Variants in PEPD observed in about 807,000 individuals in gnomAD.
PEPD encodes xaa-Pro dipeptidase.
In PEPD, 53 loss-of-function variants were observed where a neutral mutation model predicts 60.7. The observed-to-expected ratio is 0.87, with a 90% CI of 0.70 to 1.10. The LOEUF is 1.10. Ranked by LOEUF, PEPD falls within the 50% of genes least tolerant of loss-of-function variation. PEPD has a pLI of 0.00. For synonymous variants in PEPD, 267 were observed against 284.1 expected (o/e 0.94, Z 0.60); for missense variants, 711 against 711.9 (o/e 1.00, Z 0.01).
intron 3 of PEPD, among the ~76,000 whole-genome samples, chr19:33,502,022 T>G (rs772067816): frequency 6.6e-6 from 1 of 152,148 alleles, no homozygotes; most frequent in Non-Finnish European, 1.5e-5. Flanking sequence ...GGCCCTTTGG[T>G]CACAGCTGTG....
At chr19:33,412,867 G>A (rs1188799605) in intron 10 of PEPD, among the ~76,000 whole-genome samples, 1 of 152,162 alleles carries the variant, frequency 6.6e-6, no homozygotes, top group Admixed American at 6.5e-5. Flanking sequence ...AGGGGGCCAC[G>A]CCCACAGCCA....
chr19:33,463,915 A>T (rs1969973750), intron 8 of PEPD, 72 bp downstream of exon 8: 8 of 1,001,570 alleles, frequency 8.0e-6, no homozygotes, highest in Non-Finnish European at 1.3e-5. Context: ...GAAACCCTTC[A>T]TCCTCACGCA....
At chr19:33,484,933 A>T (rs1030223034) in intron 6 of PEPD, among the ~76,000 whole-genome samples, 1 of 152,170 alleles carries the variant, frequency 6.6e-6, no homozygotes, top group Non-Finnish European at 1.5e-5. Flanking sequence ...GCATGTATTA[A>T]TCGTGTAAAA....
intron 6 of PEPD, among the ~76,000 whole-genome samples, chr19:33,485,491 T>TAA (rs908651690): frequency 9.9e-5 from 11 of 110,960 alleles, no homozygotes; most frequent in African/African-American, 2.5e-4. Context: ...AGACTCTGTC[T>TAA]AAAAAAAAAA....
At chr19:33,451,553 A>C (rs1969700923) in intron 9 of PEPD, among the ~76,000 whole-genome samples, 1 of 152,248 alleles carries the variant, frequency 6.6e-6, no homozygotes, top group South Asian at 2.1e-4. Context: ...ACCAGAAAAC[A>C]CAAAATAAGG....
At chr19:33,430,641 T>C (rs1032223642) in intron 9 of PEPD, among the ~76,000 whole-genome samples, 1 of 152,216 alleles carries the variant, frequency 6.6e-6, no homozygotes, top group Non-Finnish European at 1.5e-5. Flanking sequence ...CTGGCATATG[T>C]ATCTTTTTAT....
intron 11 of PEPD, among the ~76,000 whole-genome samples, chr19:33,410,231 T>C (rs976742901): frequency 6.6e-6 from 1 of 152,220 alleles, no homozygotes; most frequent in African/African-American, 2.4e-5. Context: ...CGGCATATGC[T>C]GGCCCCACCC....
intron 7 of PEPD, among the ~76,000 whole-genome samples, chr19:33,472,606 C>T (rs1031472400): frequency 6.6e-6 from 1 of 152,196 alleles, no homozygotes; most frequent in African/African-American, 2.4e-5. Context: ...TAAACATTCA[C>T]AAGTCACAGC....
At chr19:33,424,092 G>C (rs1378831653) in intron 9 of PEPD, among the ~76,000 whole-genome samples, 2 of 152,232 alleles carry the variant, frequency 1.3e-5, no homozygotes, top group Non-Finnish European at 2.9e-5. Context: ...GGCTGCGCCT[G>C]TCACCTGCTC....
chr19:33,503,859 G>A (rs1970754361), intron 3 of PEPD, among the ~76,000 whole-genome samples: 3 of 152,160 alleles, frequency 2.0e-5, no homozygotes, highest in African/African-American at 7.2e-5. Context: ...GCGCCCTACA[G>A]AGGGGCATCT....
rs1600070329 is a variant in PEPD, at chr19:33,387,938, G to C, written c.1296C>G (p.Ala432=). ...GCAGGACCTCGCGGTTAAGGAAGGA[G>C]GCGCGGGCCGGGTCCGCCAGGGCCT... ...LDEALADPAR[A]SFLNREVLQR... is the part of the protein sequence containing the mutation. Residue 432 remains alanine (A), a synonymous_variant, in exon 14 of 15, where the codon GCC becomes GCG. Coordinates refer to ENST00000244137, the MANE Select transcript of PEPD (RefSeq NM_000285.4). The C allele has an allele frequency of 6.3e-7, 1 of 1,597,132 alleles. No individual in the cohort carries two copies. Among genetic ancestry groups the C allele is most frequent in the Non-Finnish European group, 8.5e-7 (1 of 1,172,618 alleles).
At chr19:33,515,853 C>T (rs1045167457) in intron 1 of PEPD, among the ~76,000 whole-genome samples, 2 of 152,122 alleles carry the variant, frequency 1.3e-5, no homozygotes, top group African/African-American at 2.4e-5. Flanking sequence ...CATGCCCCCA[C>T]CTGTAATGCT....
At chr19:33,422,864 ATATC>A (rs1969058104) in intron 9 of PEPD, among the ~76,000 whole-genome samples, 1 of 146,450 alleles carries the variant, frequency 6.8e-6, no homozygotes, top group Non-Finnish European at 1.5e-5. Context: ...CCATCTCTCT[ATATC>A]TATCCACCCA....
intron 9 of PEPD, among the ~76,000 whole-genome samples, chr19:33,444,239 A>AAGGCTGGGACATGGAACCCAGCC (rs144792611): frequency 6.6e-6 from 1 of 152,188 alleles, no homozygotes; most frequent in East Asian, 1.9e-4. Context: ...GCATGCTCTC[A>AAGGCTGGGACATGGAACCCAGCC]AGGCTGGGAC....
chr19:33,462,689 T>G (rs78703636), intron 9 of PEPD, among the ~76,000 whole-genome samples: 3 of 152,008 alleles, frequency 2.0e-5, no homozygotes, highest in Non-Finnish European at 4.4e-5. Context: ...GCTTTCAGAG[T>G]CATAAGAGCA....
intron 8 of PEPD, among the ~76,000 whole-genome samples, chr19:33,463,389 G>A (rs1428653011): frequency 6.6e-6 from 1 of 152,170 alleles, no homozygotes. Flanking sequence ...TCACTAAAAG[G>A]CCTCCTTTGT....
chr19:33,419,897 G>T (rs1040794327), intron 9 of PEPD, among the ~76,000 whole-genome samples: 1 of 152,262 alleles, frequency 6.6e-6, no homozygotes, highest in East Asian at 1.9e-4. Context: ...CCCAGAAGGG[G>T]GGATCCGCCA....
chr19:33,402,378 G>A lies in PEPD; in HGVS notation c.819-509C>T, dbSNP rs549412918. On this transcript the variant is annotated intron_variant, in intron 11 of 14. Transcript: ENST00000244137. ...GAGGAGGGGGCTGGGCAGGGACCCC[G>A]GATGGGATGCACGGCCTAGAACTCC... Among the ~76,000 whole-genome samples the A allele has an allele frequency of 1.8e-3, 281 of 152,320 alleles. 1 individual carries two copies. The highest frequency in any genetic ancestry group is 3.2e-3 in the Non-Finnish European group (221 of 68,014).
intron 6 of PEPD, chr19:33,486,932 C>T (rs79363897): frequency 0.011 from 1,688 of 152,736 alleles, 26 homozygotes; most frequent in South Asian, 0.07. Context: ...GGAGGTCAAT[C>T]GAAGCCCAAG....
Sources: allele counts gnomAD v4.1 joint callset (sites outside exome capture counted in the v4.1 genomes callset), GRCh38; gene constraint gnomAD v4.1.1; transcripts MANE v1.5; gene names NCBI Gene and HGNC (gene_info 2026-07-23, HGNC 2026-07-21).